CDH4: variants seen among roughly 807,000 people sequenced by gnomAD.
The protein encoded by CDH4 is cadherin-4.
CDH4 carries 33 observed loss-of-function variants against 86.0 expected under a neutral mutation model. The observed-to-expected ratio is 0.38, with a 90% CI of 0.29 to 0.51. The LOEUF is 0.51. Ranked by LOEUF, CDH4 falls within the 20% of genes least tolerant of loss-of-function variation. The probability of loss-of-function intolerance (pLI) is 0.86; values close to 1 mark genes in which losing one functional copy is unlikely to be tolerated. For missense variants in CDH4, 1,114 were observed against 1,307.4 expected (o/e 0.85, Z 2.28); for synonymous variants, 555 against 549.4 (o/e 1.01, Z -0.14).
rs1348598809 is a variant in CDH4, at chr20:61,258,329, CAAAAAAAAAAAAAAAAG to C, written c.169+3405_169+3421del. Among the ~76,000 whole-genome samples the C allele has an allele frequency of 1.1e-4, 7 of 62,350 alleles. No individual in the cohort carries two copies. The Admixed American group carries it at 1.3e-3, about 11-fold the overall frequency. The allele number at this position is 62,350 out of a possible 152,430, so 40.9% of individuals were successfully genotyped here. A position where few individuals can be genotyped will look rare whatever the true frequency, so the allele number is the denominator to read the frequency against. ...TGGGCAAAAGAACGAGACTCCGTCTCAAAAAAAAAAAAAAAAGAAAAAAAAAAAAGAAAGAGGAGCAT... is the reference window on the plus strand; with the variant it reads ...TGGGCAAAAGAACGAGACTCCGTCTCAAAAAAAAAAAAGAAAGAGGAGCAT... On this transcript the variant is annotated intron_variant, in intron 2 of 15. Coordinates refer to ENST00000614565, the MANE Select transcript of CDH4 (RefSeq NM_001794.5).
chr20:61,556,399 C>T (rs1320133991), intron 2 of CDH4, among the ~76,000 whole-genome samples: 2 of 152,260 alleles, frequency 1.3e-5, no homozygotes, highest in African/African-American at 4.8e-5. Flanking sequence ...TGACACAGTC[C>T]TCCAGGCAGA....
intron 2 of CDH4, among the ~76,000 whole-genome samples, chr20:61,472,058 T>C (rs1275516512): frequency 6.6e-6 from 1 of 152,204 alleles, no homozygotes; most frequent in Admixed American, 6.5e-5. Context: ...ATTTCTGTGT[T>C]TACTTTCTGT....
chr20:61,362,001 T>G (rs1263829788), intron 2 of CDH4, among the ~76,000 whole-genome samples: 2 of 152,232 alleles, frequency 1.3e-5, no homozygotes, highest in African/African-American at 2.4e-5. Context: ...GACCAGCAAG[T>G]GTCTTGCCCA....
intron 2 of CDH4, among the ~76,000 whole-genome samples, chr20:61,300,614 G>A (rs185572143): frequency 6.6e-6 from 1 of 152,084 alleles, no homozygotes; most frequent in African/African-American, 2.4e-5. Flanking sequence ...CCGTCTCCCG[G>A]GTCTGTGTCC....
Position 61,934,179 on chromosome 20 carries a change from A to G in CDH4, c.2503A>G (p.Met835Val). The stretch of plus-strand genomic sequence containing the variant: ...TGAGCCCCAGTACCCGATCAGGCCC[A>G]TGGTGCCGCACCCAGGCGACATCGG... ...GAEPQYPIRP[M>V]VPHPGDIGDF... Residue 835 changes from methionine (M) to valine (V), a missense_variant, in exon 15 of 16, where the codon ATG (methionine) becomes GTG (valine). Transcript: ENST00000614565. 6.3e-7 allele frequency: 1 copy of G among 1,598,382 alleles called. No homozygotes were observed. The highest frequency in any genetic ancestry group is 8.5e-7 in the Non-Finnish European group (1 of 1,169,956).
At chr20:61,685,553 C>T (rs6061310) in intron 2 of CDH4, among the ~76,000 whole-genome samples, 9 of 152,390 alleles carry the variant, frequency 5.9e-5, no homozygotes, top group East Asian at 1.9e-4. Context: ...CCCACCACCC[C>T]GCTGTTTGTG....
intron 2 of CDH4, among the ~76,000 whole-genome samples, chr20:61,673,152 C>A (rs993712709): frequency 6.6e-6 from 1 of 152,160 alleles, no homozygotes; most frequent in African/African-American, 2.4e-5. Context: ...CCAGAGAGAA[C>A]GCAGCCCTGC....
intron 4 of CDH4, among the ~76,000 whole-genome samples, chr20:61,825,284 C>T (rs1207705975): frequency 6.6e-6 from 1 of 152,138 alleles, no homozygotes; most frequent in Non-Finnish European, 1.5e-5. Flanking sequence ...TGGTGTACGC[C>T]TGTAGTTCCA....
chr20:61,411,411 A>C (rs1330513587), intron 2 of CDH4, among the ~76,000 whole-genome samples: 1 of 150,600 alleles, frequency 6.6e-6, no homozygotes, highest in Non-Finnish European at 1.5e-5. Context: ...ATTGATGTAA[A>C]GACTGTGCCT....
At chr20:61,871,340 G>A (rs1373553695) in intron 6 of CDH4, among the ~76,000 whole-genome samples, 2 of 152,116 alleles carry the variant, frequency 1.3e-5, no homozygotes, top group Non-Finnish European at 2.9e-5. Context: ...TTCCTGTTGA[G>A]AAGTCAGCTT....
At chr20:61,833,434 G>A (rs1981718571) in intron 4 of CDH4, among the ~76,000 whole-genome samples, 1 of 152,070 alleles carries the variant, frequency 6.6e-6, no homozygotes, top group Non-Finnish European at 1.5e-5. Context: ...AGCAAACATA[G>A]TATTCCGGCA....
At chr20:61,323,413 G>A (rs535193978) in intron 2 of CDH4, among the ~76,000 whole-genome samples, 3 of 152,294 alleles carry the variant, frequency 2.0e-5, no homozygotes, top group Non-Finnish European at 4.4e-5. Flanking sequence ...CATGGCTCAC[G>A]TGCAGCCTGA....
intron 2 of CDH4, among the ~76,000 whole-genome samples, chr20:61,407,424 G>A (rs2085090419): frequency 6.6e-6 from 1 of 152,170 alleles, no homozygotes; most frequent in African/African-American, 2.4e-5. Flanking sequence ...TGGCTGACTC[G>A]CTCTCCACCG....
In CDH4 at chr20:61,252,551, C is replaced by T; in HGVS notation, c.38C>T (p.Ser13Leu). 8.3e-7 allele frequency: 1 copy of T among 1,203,992 alleles called. No individual in the cohort carries two copies. Among genetic ancestry groups the T allele is most frequent in the Non-Finnish European group, 1.0e-6 (1 of 969,906 alleles). The allele number at this position is 1,203,992 out of a possible 1,614,324, so 74.6% of individuals were successfully genotyped here. A position where few individuals can be genotyped will look rare whatever the true frequency, so the allele number is the denominator to read the frequency against. ...AGAGVLLLLL[S>L]LSGALRAHNE... is the part of the protein sequence containing the mutation. ...GCCGGCGTGCTCCTTCTGCTGCTCT[C>T]GCTCTCCGGCGCGCTCCGGGTAAGT... The change falls in exon 1 of 16, where the codon TCG (serine) becomes TTG (leucine). Residue 13 changes from serine (S) to leucine (L), a missense_variant. Coordinates refer to ENST00000614565, the MANE Select transcript of CDH4 (RefSeq NM_001794.5). This position sits in a 1 kb window ranked among gnomAD's most constrained non-coding sequence, Gnocchi z 4.4.
At chr20:61,914,892 A>AGCTG (rs2054888542) in intron 9 of CDH4, among the ~76,000 whole-genome samples, 1 of 152,188 alleles carries the variant, frequency 6.6e-6, no homozygotes, top group African/African-American at 2.4e-5. Context: ...GGAGGGCTGC[A>AGCTG]GCTGGCTCAA....
At chr20:61,841,766 T>C (rs977546235) in intron 4 of CDH4, among the ~76,000 whole-genome samples, 2 of 149,888 alleles carry the variant, frequency 1.3e-5, no homozygotes, top group South Asian at 2.1e-4. Flanking sequence ...TGTGTGTGTG[T>C]GCGCGCGTGC....
chr20:61,931,677 T>G (rs1164206795), intron 13 of CDH4, among the ~76,000 whole-genome samples: 1 of 152,188 alleles, frequency 6.6e-6, no homozygotes, highest in African/African-American at 2.4e-5. Flanking sequence ...CTGCATTACC[T>G]GCTCCTGGAG....
chr20:61,372,762 C>A (rs1369121253), intron 2 of CDH4, among the ~76,000 whole-genome samples: 1 of 152,230 alleles, frequency 6.6e-6, no homozygotes, highest in African/African-American at 2.4e-5. Flanking sequence ...CAAAGCCTCC[C>A]AGGTTTCTGC....
chr20:61,877,870 C>T lies in CDH4; in HGVS notation c.1050+3970C>T, dbSNP rs538694653. ...GACTTTGGGGCCATGACCCCCGGAA[C>T]GTCCCTGGGGTCCATTGTGTGACAA... On this transcript the variant is annotated intron_variant, in intron 7 of 15. Transcript: ENST00000614565. Among the ~76,000 whole-genome samples, 225 of 152,280 alleles carry T rather than the reference C, an allele frequency of 1.5e-3. 2 individuals carry two copies. Among genetic ancestry groups the T allele is most frequent in the Non-Finnish European group, 2.3e-3 (156 of 68,012 alleles).
Sources: allele counts gnomAD v4.1 joint callset (sites outside exome capture counted in the v4.1 genomes callset), GRCh38; gene constraint gnomAD v4.1.1; non-coding constraint Gnocchi (gnomAD v3.1); transcripts MANE v1.5; gene names NCBI Gene and HGNC (gene_info 2026-07-23, HGNC 2026-07-21).